Variants in CFAP54 observed in about 807,000 individuals in gnomAD.
The protein encoded by CFAP54 is cilia- and flagella-associated protein 54.
CFAP54 carries 290 observed loss-of-function variants against 370.4 expected under a neutral mutation model. That is an observed-to-expected ratio of 0.78 (90% CI 0.71 to 0.86). The LOEUF (loss-of-function observed/expected upper bound fraction) is 0.86, where lower values mean the gene tolerates loss of function less well. Among genes scored for constraint, CFAP54 ranks in the 40% least tolerant of loss-of-function variants. CFAP54 has a pLI of 0.00. For missense variants in CFAP54, 3,399 were observed against 3,528.7 expected, an observed-to-expected ratio of 0.96 and a Z score of 0.93; for synonymous variants, 1,206 against 1,236.5, an observed-to-expected ratio of 0.98 and a Z score of 0.52.
chr12:96,523,036 C>T (rs1021363759), intron 8 of CFAP54, among the ~76,000 whole-genome samples: 1 of 152,122 alleles, frequency 6.6e-6, no homozygotes, highest in Admixed American at 6.5e-5. Flanking sequence ...CCTTTGCCTT[C>T]CTGACTCTTA....
chr12:96,793,085 C>T (rs1958719876), intron 63 of CFAP54, among the ~76,000 whole-genome samples: 1 of 151,736 alleles, frequency 6.6e-6, no homozygotes, highest in Non-Finnish European at 1.5e-5. Flanking sequence ...TTTTGAGGAA[C>T]AGGTGGTTTT....
At chr12:96,708,459 C>T (rs935229948) in intron 47 of CFAP54, 149 bp from the exon 48 acceptor site, 8 of 624,508 alleles carry the variant, frequency 1.3e-5, no homozygotes, top group African/African-American at 5.6e-5. Flanking sequence ...TTACATGTCT[C>T]TCTCAGTAGA....
Position 96,636,110 on chromosome 12 carries a change from A to G in CFAP54, c.4316+5459A>G, listed in dbSNP as rs1292646666. Among the ~76,000 whole-genome samples, 4 of 152,294 alleles carry G rather than the reference A, an allele frequency of 2.6e-5. No homozygotes were observed. The South Asian group carries it at 8.3e-4, about 32-fold the overall frequency. On this transcript the variant is annotated intron_variant, in intron 32 of 67. Coordinates refer to ENST00000524981, the MANE Select transcript of CFAP54 (RefSeq NM_001306084.2). ...CTCTACCCTGAGTCGCCTCCTTAGC[A>G]TAGACTTACATAGGTTCCACAGGGA...
At chr12:96,689,276 TC>T (rs1957363256) in intron 43 of CFAP54, among the ~76,000 whole-genome samples, 1 of 152,108 alleles carries the variant, frequency 6.6e-6, no homozygotes, top group Non-Finnish European at 1.5e-5. Context: ...TTCTTGTGCC[TC>T]AGCCTCATAA....
At chr12:96,516,244 A>G (rs887381473) in intron 5 of CFAP54, among the ~76,000 whole-genome samples, 1 of 152,068 alleles carries the variant, frequency 6.6e-6, no homozygotes, top group African/African-American at 2.4e-5. Context: ...ATAGATAAGG[A>G]AGCTGAGGCT....
At chr12:96,531,227 A>G (rs1426443912) in intron 9 of CFAP54, among the ~76,000 whole-genome samples, 6 of 152,124 alleles carry the variant, frequency 3.9e-5, no homozygotes, top group African/African-American at 1.4e-4. Context: ...ATAATAGTTT[A>G]CTTACAAGTT....
chr12:96,860,214 A>G (rs557987245), intron 66 of CFAP54, among the ~76,000 whole-genome samples: 5 of 149,660 alleles, frequency 3.3e-5, no homozygotes, highest in African/African-American at 9.9e-5. Flanking sequence ...CTACACAAGT[A>G]TATACCTAGA....
At chr12:96,621,871 G>GTTTGTTTTTTTTTT (rs1956495715) in intron 27 of CFAP54, 150 bp downstream of exon 27, 1 of 51,416 alleles carries the variant, frequency 1.9e-5, no homozygotes, top group Admixed American at 2.8e-4. Flanking sequence ...GAGCTTTTGG[G>GTTTGTTTTTTTTTT]TTTGTTTTTT....
chr12:96,695,677 C>T (rs528033780), intron 45 of CFAP54, among the ~76,000 whole-genome samples: 1 of 152,312 alleles, frequency 6.6e-6, no homozygotes, highest in East Asian at 1.9e-4. Flanking sequence ...GTAACACATT[C>T]ACATAGTTGA....
At chr12:96,546,336 C>G (rs1438487504) in intron 14 of CFAP54, among the ~76,000 whole-genome samples, 1 of 152,176 alleles carries the variant, frequency 6.6e-6, no homozygotes, top group Non-Finnish European at 1.5e-5. Flanking sequence ...ATTGTTGTGG[C>G]ATGAAAGCAG....
intron 13 of CFAP54, among the ~76,000 whole-genome samples, chr12:96,539,077 TGTTTTTG>T (rs1955542078): frequency 2.2e-5 from 3 of 138,848 alleles, no homozygotes; most frequent in South Asian, 4.9e-4. Flanking sequence ...TTTTTTTTTT[TGTTTTTG>T]TTTTTGAGAT....
intron 55 of CFAP54, 69 bp downstream of exon 55, chr12:96,744,215 C>A: frequency 7.3e-7 from 1 of 1,360,774 alleles, no homozygotes; most frequent in Non-Finnish European, 1.0e-6. Flanking sequence ...TTTAGGCAGG[C>A]TATCATATGA....
At chr12:96,737,311 T>C (rs1957990254) in intron 50 of CFAP54, among the ~76,000 whole-genome samples, 1 of 152,112 alleles carries the variant, frequency 6.6e-6, no homozygotes. Context: ...AATGAATTTA[T>C]TCACAGGAAG....
intron 2 of CFAP54, among the ~76,000 whole-genome samples, chr12:96,502,920 A>AT (rs1275191824): frequency 6.6e-6 from 1 of 152,202 alleles, no homozygotes; most frequent in Non-Finnish European, 1.5e-5. Context: ...GTGTTGACAG[A>AT]TGAAAGAGAG....
rs10631171 is a variant in CFAP54 at position 96,654,832 on chromosome 12, A to ATTTTTTTTTTTTT, written c.5100+3021_5100+3033dup. ...TTTTGTGTCTGGCTCATTTCACTTA[A>ATTTTTTTTTTTTT]TTTTTTTTTTTTTTTTAAGAAATGA... On this transcript the variant is annotated intron_variant, in intron 36 of 67. Transcript: ENST00000524981. Among the ~76,000 whole-genome samples, 215 of 132,086 alleles carry ATTTTTTTTTTTTT rather than the reference A, an allele frequency of 1.6e-3. 1 individual carries two copies. The highest frequency in any genetic ancestry group is 5.1e-3 in the African/African-American group (192 of 37,720). 86.7% of individuals were successfully genotyped at this position (132,086 alleles called of 152,430 possible).
intron 34 of CFAP54, among the ~76,000 whole-genome samples, chr12:96,648,580 CTTTTTTTTTTTTT>C (rs11303164): frequency 4.6e-4 from 27 of 58,682 alleles, no homozygotes; most frequent in African/African-American, 1.3e-3. Context: ...AAACAGGGTT[CTTTTTTTTTTTTT>C]TTTTTTTTTT....
chr12:96,757,718 A>G (rs1958279128), intron 58 of CFAP54, 130 bp downstream of exon 58: 1 of 530,954 alleles, frequency 1.9e-6, no homozygotes, highest in Non-Finnish European at 3.3e-6. Context: ...ATTTCTTTGT[A>G]GTTACACTTG....
chr12:96,587,415 T>C (rs1326767556), intron 22 of CFAP54, among the ~76,000 whole-genome samples: 3 of 152,098 alleles, frequency 2.0e-5, no homozygotes, highest in Admixed American at 2.0e-4. Flanking sequence ...AGGTCAGGCA[T>C]CAAAGAGGAG....
intron 20 of CFAP54, 134 bp from the exon 21 acceptor site, chr12:96,580,463 C>A (rs1157038593): frequency 4.0e-6 from 2 of 503,140 alleles, no homozygotes; most frequent in Non-Finnish European, 3.4e-6. Flanking sequence ...AAAGATTAAA[C>A]CTAAGTATAT....
Sources: allele counts gnomAD v4.1 joint callset (sites outside exome capture counted in the v4.1 genomes callset), GRCh38; gene constraint gnomAD v4.1.1; transcripts MANE v1.5; gene names NCBI Gene and HGNC (gene_info 2026-07-23, HGNC 2026-07-21).